Variants in KCNQ3 observed in about 807,000 individuals in gnomAD.
KCNQ3 encodes potassium voltage-gated channel subfamily KQT member 3.
A neutral mutation model predicts 92.5 loss-of-function variants in KCNQ3; 30 were observed. The ratio of observed to expected loss-of-function variants is 0.32; its 90% confidence interval spans 0.24 to 0.44. The LOEUF (loss-of-function observed/expected upper bound fraction) is 0.44, where lower values mean the gene tolerates loss of function less well. Ranked by LOEUF, KCNQ3 falls within the 20% of genes least tolerant of loss-of-function variation. The pLI, the probability that KCNQ3 is intolerant of heterozygous loss-of-function variation, is 1.00. For missense variants in KCNQ3, 913 were observed against 1,140.3 expected (o/e 0.80, Z 2.87); for synonymous variants, 450 against 468.8 (o/e 0.96, Z 0.52).
At chr8:132,353,729 G>T (rs777548831) in intron 1 of KCNQ3, among the ~76,000 whole-genome samples, 3 of 152,032 alleles carry the variant, frequency 2.0e-5, no homozygotes, top group Non-Finnish European at 4.4e-5. Context: ...CAGGAGAATC[G>T]CTTGAGCCTG....
intron 1 of KCNQ3, among the ~76,000 whole-genome samples, chr8:132,193,589 G>C (rs1827222275): frequency 6.6e-6 from 1 of 152,314 alleles, no homozygotes; most frequent in South Asian, 2.1e-4. Context: ...GAGCCTGCTG[G>C]AAGTAAGAGT....
At chr8:132,478,431 G>A (rs1563924938) in intron 1 of KCNQ3, among the ~76,000 whole-genome samples, 1 of 152,174 alleles carries the variant, frequency 6.6e-6, no homozygotes, top group Non-Finnish European at 1.5e-5. Flanking sequence ...ATGACTGTGT[G>A]CACTCAACGA....
chr8:132,380,931 GAA>G (rs553931640), intron 1 of KCNQ3, among the ~76,000 whole-genome samples: 22,206 of 87,396 alleles, frequency 0.25, 1,946 homozygotes, highest in East Asian at 0.39. Context: ...AATGAAAGCA[GAA>G]AAAAAAAAAA....
chr8:132,213,908 C>T (rs1813945502), intron 1 of KCNQ3, among the ~76,000 whole-genome samples: 1 of 152,126 alleles, frequency 6.6e-6, no homozygotes, highest in Non-Finnish European at 1.5e-5. Context: ...ATGTTTTTTT[C>T]TCTCTCTCTG....
chr8:132,284,255 G>T (rs1361396496), intron 1 of KCNQ3, among the ~76,000 whole-genome samples: 1 of 152,190 alleles, frequency 6.6e-6, no homozygotes, highest in East Asian at 1.9e-4. Context: ...GCAGATTCCA[G>T]ATGAAGAGGA....
intron 1 of KCNQ3, among the ~76,000 whole-genome samples, chr8:132,385,586 C>T (rs1819869045): frequency 6.6e-6 from 1 of 152,180 alleles, no homozygotes; most frequent in East Asian, 1.9e-4. Flanking sequence ...TCTACCCCTT[C>T]TGCTCTCTCA....
intron 1 of KCNQ3, among the ~76,000 whole-genome samples, chr8:132,337,293 A>G (rs6471062): frequency 0.27 from 40,454 of 152,054 alleles, 5,473 homozygotes; most frequent in East Asian, 0.36. Flanking sequence ...GTTTGAGACC[A>G]GCATGAGCAA....
At chr8:132,235,929 AC>A (rs201089562) in intron 1 of KCNQ3, among the ~76,000 whole-genome samples, 2,763 of 152,376 alleles carry the variant, frequency 0.018, 39 homozygotes, top group Non-Finnish European at 0.03. Context: ...ATCATCTGAC[AC>A]ATGACTTGGC....
At chr8:132,218,649 T>C (rs958852369) in intron 1 of KCNQ3, among the ~76,000 whole-genome samples, 2 of 152,160 alleles carry the variant, frequency 1.3e-5, no homozygotes, top group African/African-American at 4.8e-5. Flanking sequence ...TTTGCACAGA[T>C]AGGAAGTGCA....
At chr8:132,137,124 G>A (rs914929726) in intron 12 of KCNQ3, among the ~76,000 whole-genome samples, 2 of 151,966 alleles carry the variant, frequency 1.3e-5, no homozygotes, top group African/African-American at 4.8e-5. Context: ...ACCTGCCTTG[G>A]CCTCCCAAAG....
intron 1 of KCNQ3, among the ~76,000 whole-genome samples, chr8:132,347,955 C>T (rs150923919): frequency 0.03 from 3,699 of 124,054 alleles, 93 homozygotes; most frequent in Non-Finnish European, 0.037. Flanking sequence ...TCAGCCTGGG[C>T]GACAGAGCGA....
intron 1 of KCNQ3, among the ~76,000 whole-genome samples, chr8:132,307,686 T>C (rs1817468508): frequency 6.6e-6 from 1 of 152,190 alleles, no homozygotes; most frequent in Non-Finnish European, 1.5e-5. Context: ...TTGAATCAGA[T>C]TAATGATCTC....
chr8:132,328,661 C>A (rs1232960957), intron 1 of KCNQ3, among the ~76,000 whole-genome samples: 1 of 152,172 alleles, frequency 6.6e-6, no homozygotes, highest in Non-Finnish European at 1.5e-5. Context: ...GTATATAGAA[C>A]AGTGCCTAGT....
At chr8:132,425,475 T>C (rs1280118366) in intron 1 of KCNQ3, among the ~76,000 whole-genome samples, 1 of 152,194 alleles carries the variant, frequency 6.6e-6, no homozygotes, top group East Asian at 1.9e-4. Context: ...GGGAAATGCC[T>C]AGCACAGTGG....
chr8:132,159,726 G>C (rs1285917799), intron 9 of KCNQ3, among the ~76,000 whole-genome samples: 1 of 152,110 alleles, frequency 6.6e-6, no homozygotes, highest in Non-Finnish European at 1.5e-5. Flanking sequence ...TGTTTCTTAG[G>C]GGTTCCCACC....
At chr8:132,289,558 T>A (rs1275309121) in intron 1 of KCNQ3, among the ~76,000 whole-genome samples, 2 of 152,098 alleles carry the variant, frequency 1.3e-5, no homozygotes, top group Admixed American at 1.3e-4. Context: ...TTCCTCAATG[T>A]CTCTCACCTA....
intron 1 of KCNQ3, among the ~76,000 whole-genome samples, chr8:132,452,612 G>A (rs1330089437): frequency 6.6e-6 from 1 of 152,154 alleles, no homozygotes; most frequent in Non-Finnish European, 1.5e-5. Context: ...CACTGGCCAA[G>A]GGAACCACAG....
intron 1 of KCNQ3, among the ~76,000 whole-genome samples, chr8:132,285,426 T>C (rs1258326761): frequency 6.6e-6 from 1 of 152,256 alleles, no homozygotes; most frequent in East Asian, 1.9e-4. Flanking sequence ...AGAACTTGGA[T>C]GCACTGTGTC....
intron 1 of KCNQ3, among the ~76,000 whole-genome samples, chr8:132,470,640 T>C (rs1342973868): frequency 6.6e-6 from 1 of 152,248 alleles, no homozygotes; most frequent in Admixed American, 6.5e-5. Context: ...TTTGATACAA[T>C]AATGTTATCT....
Sources: gnomAD v4.1 joint callset for allele counts (sites outside exome capture counted in the v4.1 genomes callset) on GRCh38, gnomAD v4.1.1 for gene constraint, MANE v1.5 for transcripts, NCBI Gene and HGNC (gene_info 2026-07-23, HGNC 2026-07-21) for gene names.